Variants in KMT2D observed in about 807,000 individuals in gnomAD.
KMT2D encodes the protein histone-lysine N-methyltransferase 2D.
A neutral mutation model predicts 512.7 loss-of-function variants in KMT2D; 55 were observed. That is an observed-to-expected ratio of 0.11 (90% CI 0.09 to 0.13). KMT2D has a LOEUF of 0.13. Ranked by LOEUF, KMT2D falls within the 10% of genes least tolerant of loss-of-function variation. The probability of loss-of-function intolerance (pLI) is 1.00; values close to 1 mark genes in which losing one functional copy is unlikely to be tolerated. For synonymous variants in KMT2D, 2,995 were observed against 2,904.0 expected (o/e 1.03, Z -1.01); for missense variants, 6,061 against 7,127.9 (o/e 0.85, Z 5.39).
rs1386287108 is a variant in KMT2D, at chr12:49,055,273, C to T, written c.49+3G>A. 2 of 1,614,008 alleles carry T rather than the reference C, an allele frequency of 1.2e-6. No homozygotes were observed. Among genetic ancestry groups the T allele is most frequent in the Admixed American group, 3.3e-5 (2 of 60,030 alleles). ...AAGCAAACAAACAATTTGTCCTACT[C>T]ACCTGCCGGTTCTGAATCTTTATCC... On this transcript the variant is annotated splice_donor_region_variant and intron_variant, in intron 2 of 54. Transcript: ENST00000301067.
intron 1 of KMT2D, among the ~76,000 whole-genome samples, chr12:49,058,246 A>AG (rs1353267597): frequency 1.3e-5 from 2 of 152,194 alleles, no homozygotes; most frequent in African/African-American, 4.8e-5. Flanking sequence ...AACAGGGTGC[A>AG]GTCCTACATA....
Position 49,033,056 on chromosome 12 carries a change from G to A in KMT2D, c.11649C>T (p.His3883=), listed in dbSNP as rs1167350412. 1 of 1,551,554 alleles carries A rather than the reference G, an allele frequency of 6.4e-7. No homozygotes were observed. ...GAGCGCTCAGTTTGGGCTGCCCACT[G>A]TGTGACATCAGACTCTGCTGAAGAT... is the stretch of plus-strand genomic sequence containing the variant. The part of the protein sequence containing the change: ...LSHLQQSLMS[H]SGQPKLSAQP... The change falls in exon 40 of 55, where the codon CAC becomes CAT. Residue 3883 remains histidine, a synonymous_variant. Coordinates refer to ENST00000301067, the MANE Select transcript of KMT2D (RefSeq NM_003482.4).
intron 12 of KMT2D, 103 bp downstream of exon 12, chr12:49,049,579 T>C: frequency 7.8e-7 from 1 of 1,279,080 alleles, no homozygotes; most frequent in Non-Finnish European, 1.0e-6. Context: ...GATCTCCAAG[T>C]CTAGGATTCA....
intron 1 of KMT2D, among the ~76,000 whole-genome samples, chr12:49,057,237 T>C (rs1432458637): frequency 6.6e-6 from 1 of 152,208 alleles, no homozygotes; most frequent in Non-Finnish European, 1.5e-5. Flanking sequence ...TAAAGTTTTC[T>C]AATTCTTTGC....
At position 49,032,789 on chromosome 12, in the gene KMT2D, C is replaced by T. The variant is rs371224852; in HGVS notation, c.11916G>A (p.Gln3972=). 280 of 1,554,048 alleles carry T rather than the reference C, an allele frequency of 1.8e-4. No individual in the cohort carries two copies. Among genetic ancestry groups the T allele is most frequent in the Admixed American group, 7.0e-4 (36 of 51,156 alleles). ...QQQQFQQQQQ[Q]QQMGLLNQSR... Reference sequence around the variant, plus strand: ...TCTGGTTTAAAAGGCCCATCTGCTGCTGTTGCTGCTGCTGTTGAAACTGCT... The same window carrying T: ...TCTGGTTTAAAAGGCCCATCTGCTGTTGTTGCTGCTGCTGTTGAAACTGCT... Residue 3972 remains glutamine (Q), a synonymous_variant, in exon 40 of 55, where the codon CAG becomes CAA. Coordinates refer to ENST00000301067, the MANE Select transcript of KMT2D (RefSeq NM_003482.4).
chr12:49,039,076 T>G lies in KMT2D; in HGVS notation c.8367-87A>C. ...TTAGGGCAGTGAGGAAGGATAGAAT[T>G]AATGCAGTGAGGGAGAAAAGGAATG... On this transcript the variant is annotated intron_variant, in intron 34 of 54. Transcript: ENST00000301067. This position sits in a 1 kb window ranked among gnomAD's most constrained non-coding sequence, Gnocchi z 5.0. 1 of 1,512,768 alleles carries G rather than the reference T, an allele frequency of 6.6e-7. No homozygotes were observed. The highest frequency in any genetic ancestry group is 9.1e-7 in the Non-Finnish European group (1 of 1,098,520). The allele number at this position is 1,512,768 out of a possible 1,614,324, so 93.7% of individuals were successfully genotyped here.
chr12:49,056,152 C>T (rs1938394051), intron 1 of KMT2D, among the ~76,000 whole-genome samples: 2 of 152,186 alleles, frequency 1.3e-5, no homozygotes, highest in African/African-American at 4.8e-5. Flanking sequence ...GCATGTGTAG[C>T]CAGGCCTGAG....
chr12:49,020,190 T>C lies in KMT2D; in HGVS notation c.*1590A>G, dbSNP rs1161140626. Reference sequence around the variant, plus strand: ...CCCTCTGGCTCCCCCTGGGGTCAGCTCTCTTTTGTGCGTTATAACATAGTC... The same window carrying C: ...CCCTCTGGCTCCCCCTGGGGTCAGCCCTCTTTTGTGCGTTATAACATAGTC... On this transcript the variant is annotated 3_prime_UTR_variant, in exon 55 of 55. Coordinates refer to ENST00000301067, the MANE Select transcript of KMT2D (RefSeq NM_003482.4). 1 of 178,710 alleles carries C rather than the reference T, an allele frequency of 5.6e-6. No homozygotes were observed. The highest frequency in any genetic ancestry group is 2.4e-5 in the African/African-American group (1 of 42,160). 11.1% of individuals were successfully genotyped at this position (178,710 alleles called of 1,614,324 possible). A position where few individuals can be genotyped will look rare whatever the true frequency, so the allele number is the denominator to read the frequency against.
chr12:49,027,413 C>A lies in KMT2D; in HGVS notation c.14644-91G>T, dbSNP rs557116488. ...ACCCATATGCCACCCTCCCAAAAGG[C>A]CTCCACATTCTTTGCCCTAGACAGC... On this transcript the variant is annotated intron_variant, in intron 48 of 54. Coordinates refer to ENST00000301067, the MANE Select transcript of KMT2D (RefSeq NM_003482.4). 1.2e-5 allele frequency: 13 copies of A among 1,046,248 alleles called. No homozygotes were observed. In the East Asian group the frequency reaches 3.3e-4, roughly 26 times the overall value. The allele number at this position is 1,046,248 out of a possible 1,614,324, so 64.8% of individuals were successfully genotyped here.
intron 6 of KMT2D, 112 bp downstream of exon 6, chr12:49,053,866 G>A: frequency 8.0e-7 from 1 of 1,255,580 alleles, no homozygotes; most frequent in Non-Finnish European, 1.1e-6. Flanking sequence ...TTTTAGTGGG[G>A]CAGACCAACA....
rs548090054 is a variant in KMT2D, at chr12:49,032,572, G to C, written c.12133C>G (p.Gln4045Glu). ...SEATEGPSTH[Q>E]GGPLAIGTTP... is the part of the protein sequence containing the mutation. ...GTTCCTATTGCTAACGGCCCTCCCT[G>C]ATGTGTAGAGGGCCCCTCAGTGGCC... Residue 4045 changes from glutamine to glutamate, a missense_variant, in exon 40 of 55, where the codon CAG becomes GAG. Physicochemically the swap from Gln to Glu is conservative, Grantham distance 29. This residue lies in a region of KMT2D where 1,600 missense variants were observed against 1,754.9 expected (regional missense o/e 0.91). Coordinates refer to ENST00000301067, the MANE Select transcript of KMT2D (RefSeq NM_003482.4). 6.2e-7 allele frequency: 1 copy of C among 1,613,650 alleles called. No homozygotes were observed. Among genetic ancestry groups the C allele is most frequent in the African/African-American group, 1.3e-5 (1 of 75,014 alleles).
At position 49,051,997 on chromosome 12, in the gene KMT2D, G is replaced by A. The variant is rs749414283; in HGVS notation, c.1686C>T (p.Pro562=). Reference sequence around the variant, plus strand: ...GAGATGCTTCAGGTGGCGGGGAAGTGGGCAATTCCTCAGGTGGCGGGGACA... The same window carrying A: ...GAGATGCTTCAGGTGGCGGGGAAGTAGGCAATTCCTCAGGTGGCGGGGACA... ...SPLSPPPEEL[P]TSPPPEASRL... is the part of the protein sequence containing the mutation. Residue 562 remains proline (P), a synonymous_variant, in exon 11 of 55, where the codon CCC becomes CCT. Coordinates refer to ENST00000301067, the MANE Select transcript of KMT2D (RefSeq NM_003482.4). 9 of 1,612,632 alleles carry A rather than the reference G, an allele frequency of 5.6e-6. No individual in the cohort carries two copies. Among genetic ancestry groups the A allele is most frequent in the Admixed American group, 1.7e-5 (1 of 59,918 alleles).
In KMT2D at chr12:49,043,853, G is replaced by C. The variant is rs1334136427; in HGVS notation, c.5319+15C>G. On this transcript the variant is annotated intron_variant, in intron 23 of 54. Transcript: ENST00000301067. The stretch of plus-strand genomic sequence containing the variant: ...GCACAGACACCTCCCTCACTGCTTG[G>C]AGCCTGAGACCCACCTGCAAGTAAG... 2 of 1,614,036 alleles carry C rather than the reference G, an allele frequency of 1.2e-6. No individual in the cohort carries two copies. The highest frequency in any genetic ancestry group is 4.5e-5 in the East Asian group (2 of 44,878).
At chr12:49,035,076 C>G in intron 35 of KMT2D, 141 bp from the exon 36 acceptor site, 1 of 1,066,064 alleles carries the variant, frequency 9.4e-7, no homozygotes, top group Non-Finnish European at 1.4e-6. Context: ...GAATTAGGAG[C>G]CAGTCGGCCT....
In KMT2D at chr12:49,046,671, G is replaced by A. The variant is rs1943802411; in HGVS notation, c.4356C>T (p.Tyr1452=). 1.2e-6 allele frequency: 2 copies of A among 1,613,934 alleles called. No individual in the cohort carries two copies. Among genetic ancestry groups the A allele is most frequent in the South Asian group, 1.1e-5 (1 of 91,078 alleles). The change falls in exon 16 of 55, where the codon TAC becomes TAT. Residue 1452 remains tyrosine (Y), a synonymous_variant. Coordinates refer to ENST00000301067, the MANE Select transcript of KMT2D (RefSeq NM_003482.4). The surrounding 1 kb of genome is among the most constrained non-coding windows in gnomAD (Gnocchi z 4.2). ...LLLCDDCDIS[Y]HTYCLDPPLL... is the part of the protein sequence containing the mutation. ...GTGGGGGGTCCAGGCAGTATGTGTG[G>A]TAGCTAATATCACAGTCATCACAGA... is the stretch of plus-strand genomic sequence containing the variant.
Position 49,040,184 on chromosome 12 carries a change from C to T in KMT2D, c.7586G>A (p.Gly2529Asp), listed in dbSNP as rs779334797. 6.2e-7 allele frequency: 1 copy of T among 1,613,560 alleles called. No homozygotes were observed. Among genetic ancestry groups the T allele is most frequent in the South Asian group, 1.1e-5 (1 of 91,068 alleles). Residue 2529 changes from glycine to aspartate, a missense_variant, in exon 32 of 55, where the codon GGC becomes GAC. Transcript: ENST00000301067. ...AGTGAAACGCATGGGAGAGGGGGTG[C>T]CCACAAATGCACCCGTCCCAGGGGA... is the stretch of plus-strand genomic sequence containing the variant. ...VRSPGTGAFV[G>D]TPSPMRFTFP...
At position 49,024,497 on chromosome 12, in the gene KMT2D, T is replaced by C; in HGVS notation, c.16052+81A>G. 6.6e-7 allele frequency: 1 copy of C among 1,508,670 alleles called. No homozygotes were observed. Among genetic ancestry groups the C allele is most frequent in the South Asian group, 1.3e-5 (1 of 75,322 alleles). The allele number at this position is 1,508,670 out of a possible 1,614,324, so 93.5% of individuals were successfully genotyped here. On this transcript the variant is annotated intron_variant, in intron 51 of 54. Coordinates refer to ENST00000301067, the MANE Select transcript of KMT2D (RefSeq NM_003482.4). This position sits in a 1 kb window ranked among gnomAD's most constrained non-coding sequence, Gnocchi z 4.5. ...TTCTCCACGGGAACTCTGATCTGTATCCTAAATCCTCATAATGGGACCAGA... is the reference window on the plus strand; with the variant it reads ...TTCTCCACGGGAACTCTGATCTGTACCCTAAATCCTCATAATGGGACCAGA...
At position 49,052,902 on chromosome 12, in the gene KMT2D, C is replaced by A. The variant is rs1938165392; in HGVS notation, c.1112+13G>T. ...ACCTGCCAGCCCAATCTCAGTCAGTCCCCACCACTTACCTGCTACACACCG... is the reference window on the plus strand; with the variant it reads ...ACCTGCCAGCCCAATCTCAGTCAGTACCCACCACTTACCTGCTACACACCG... On this transcript the variant is annotated intron_variant, in intron 9 of 54. Transcript: ENST00000301067. 1.2e-6 allele frequency: 2 copies of A among 1,613,734 alleles called. No individual in the cohort carries two copies. Among genetic ancestry groups the A allele is most frequent in the East Asian group, 2.2e-5 (1 of 44,872 alleles).
In KMT2D at chr12:49,039,782, C is replaced by G. The variant is rs1041690934; in HGVS notation, c.7988G>C (p.Gly2663Ala). The G allele has an allele frequency of 6.2e-7, 1 of 1,613,932 alleles. No homozygotes were observed. The highest frequency in any genetic ancestry group is 8.5e-7 in the Non-Finnish European group (1 of 1,179,886). ...GCCGGACATGCCTGGGTCCTGGGTA[C>G]CTGGGAGTTCAGCTGTCGCCAAAGA... ...GSSLATAELP[G>A]TQDPGMSGLS... The change falls in exon 32 of 55, where the codon GGT (glycine) becomes GCT (alanine). Residue 2663 changes from glycine (G) to alanine (A), a missense_variant. This residue lies in a region of KMT2D where 527 missense variants were observed against 578.9 expected (regional missense o/e 0.91). Coordinates refer to ENST00000301067, the MANE Select transcript of KMT2D (RefSeq NM_003482.4). The surrounding 1 kb of genome is among the most constrained non-coding windows in gnomAD (Gnocchi z 5.0).
Sources: allele counts gnomAD v4.1 joint callset (sites outside exome capture counted in the v4.1 genomes callset), GRCh38; gene constraint gnomAD v4.1.1; regional missense constraint gnomAD v4.1.1; non-coding constraint Gnocchi (gnomAD v3.1); transcripts MANE v1.5; gene names NCBI Gene and HGNC (gene_info 2026-07-23, HGNC 2026-07-21).